The following PUS7 variants were observed in gnomAD, a reference collection of about 807,000 sequenced individuals.
PUS7 encodes pseudouridylate synthase 7 homolog.
PUS7 carries 48 observed loss-of-function variants against 79.8 expected under a neutral mutation model. The ratio of observed to expected loss-of-function variants is 0.60; its 90% CI spans 0.48 to 0.76. The LOEUF is 0.76. PUS7 is among the 30% of genes least tolerant of loss of function. PUS7 has a pLI of 0.00. For synonymous variants in PUS7, 286 were observed against 272.2 expected, an observed-to-expected ratio of 1.05 and a Z score of -0.50; for missense variants, 729 against 797.6, an observed-to-expected ratio of 0.91 and a Z score of 1.04.
At chr7:105,508,656 G>C (rs1825571741) in intron 1 of PUS7, 112 bp from the exon 2 acceptor site, 1 of 1,375,304 alleles carries the variant, frequency 7.3e-7, no homozygotes, top group Non-Finnish European at 9.6e-7. Context: ...AAGGCAGGCA[G>C]ATCACTTGAG....
At chr7:105,458,427 A>G (rs1563347959) in intron 15 of PUS7, among the ~76,000 whole-genome samples, 2 of 143,472 alleles carry the variant, frequency 1.4e-5, no homozygotes, top group Non-Finnish European at 3.1e-5. Context: ...CGCCCGCCTA[A>G]TTTTTTTTTT....
chr7:105,471,959 AATATAC>A (rs1041038414), intron 10 of PUS7, among the ~76,000 whole-genome samples, 167 bp downstream of exon 10: 1 of 151,894 alleles, frequency 6.6e-6, no homozygotes, highest in Admixed American at 6.6e-5. Context: ...ATAAATCTTA[AATATAC>A]ATATACAACT....
rs992848094 is a variant in PUS7 at position 105,456,926 on chromosome 7, A to T, written c.*864T>A. On this transcript the variant is annotated 3_prime_UTR_variant, in exon 16 of 16. Coordinates refer to ENST00000469408, the MANE Select transcript of PUS7 (RefSeq NM_019042.5). Reference sequence around the variant, plus strand: ...CAGCACAGCTCATGCCTGTAATCCCAGGAGTTAGCCTCGGCAACATGGCCA... The same window carrying T: ...CAGCACAGCTCATGCCTGTAATCCCTGGAGTTAGCCTCGGCAACATGGCCA... 1 of 152,156 alleles carries T rather than the reference A, an allele frequency of 6.6e-6. No individual in the cohort carries two copies. The highest frequency in any genetic ancestry group is 2.4e-5 in the African/African-American group (1 of 41,434). The allele number at this position is 152,156 out of a possible 1,614,324, so 9.4% of individuals were successfully genotyped here.
chr7:105,521,471 C>A (rs1460445247), intron 1 of PUS7, among the ~76,000 whole-genome samples: 3 of 152,204 alleles, frequency 2.0e-5, no homozygotes, highest in African/African-American at 7.2e-5. Context: ...AGAAAGCACT[C>A]TGAGTCTGCA....
intron 9 of PUS7, among the ~76,000 whole-genome samples, chr7:105,473,339 T>A (rs818475): frequency 1.3e-5 from 2 of 151,818 alleles, no homozygotes; most frequent in South Asian, 4.1e-4. Context: ...AACCTCTGCC[T>A]CTTGGGCTTA....
chr7:105,518,987 C>T (rs1461644254), intron 1 of PUS7, among the ~76,000 whole-genome samples: 5 of 152,060 alleles, frequency 3.3e-5, no homozygotes, highest in Admixed American at 3.3e-4. Context: ...CCAAGATTGT[C>T]TCGAACTCCT....
At chr7:105,518,527 G>C (rs751443675) in intron 1 of PUS7, among the ~76,000 whole-genome samples, 1 of 151,390 alleles carries the variant, frequency 6.6e-6, no homozygotes, top group Non-Finnish European at 1.5e-5. Flanking sequence ...TCAGCCACCC[G>C]AGTAACTGGG....
chr7:105,506,102 C>G (rs1393703715), intron 3 of PUS7, 46 bp from the exon 4 acceptor site: 2 of 1,577,176 alleles, frequency 1.3e-6, no homozygotes, highest in Admixed American at 1.8e-5. Context: ...ACATAGAATT[C>G]AAGTTTAATA....
At chr7:105,516,787 G>C (rs1350739969) in intron 1 of PUS7, among the ~76,000 whole-genome samples, 2 of 152,060 alleles carry the variant, frequency 1.3e-5, no homozygotes, top group Non-Finnish European at 2.9e-5. Context: ...GGGTTGGGGA[G>C]AGGAGAGAGA....
chr7:105,497,011 G>A (rs1314600524), intron 5 of PUS7: 1 of 1,178,832 alleles, frequency 8.5e-7, no homozygotes, highest in Non-Finnish European at 1.1e-6. Context: ...AAAGAGCAAT[G>A]TTTAATTTAT....
intron 7 of PUS7, among the ~76,000 whole-genome samples, chr7:105,487,674 T>C (rs1824605649): frequency 6.6e-6 from 1 of 152,174 alleles, no homozygotes; most frequent in South Asian, 2.1e-4. Context: ...CTAGGGAATA[T>C]AAAAATCTTG....
At chr7:105,458,821 A>G (rs1202045794) in intron 15 of PUS7, among the ~76,000 whole-genome samples, 1 of 151,992 alleles carries the variant, frequency 6.6e-6, no homozygotes, top group Non-Finnish European at 1.5e-5. Flanking sequence ...TCGGCCTCCC[A>G]AAGTGCTGGG....
intron 7 of PUS7, among the ~76,000 whole-genome samples, chr7:105,487,348 C>G (rs1824592200): frequency 6.6e-6 from 1 of 152,222 alleles, no homozygotes; most frequent in Non-Finnish European, 1.5e-5. Context: ...CATACAATAT[C>G]TGGCCTTGTG....
In PUS7 at chr7:105,470,603, A is replaced by C. The variant is rs1210829512; in HGVS notation, c.1398+85T>G. 4 of 1,413,056 alleles carry C rather than the reference A, an allele frequency of 2.8e-6. No individual in the cohort carries two copies. In the Admixed American group the frequency reaches 7.1e-5, roughly 25 times the overall value. The allele number at this position is 1,413,056 out of a possible 1,614,324, so 87.5% of individuals were successfully genotyped here. A position where few individuals can be genotyped will look rare whatever the true frequency, so the allele number is the denominator to read the frequency against. The stretch of plus-strand genomic sequence containing the variant: ...ATCCTTATTTACCTTCTGCTCTTTC[A>C]AAGTTTAGTAAAATCTTTCAAGATG... On this transcript the variant is annotated intron_variant, in intron 11 of 15. Transcript: ENST00000469408.
intron 1 of PUS7, among the ~76,000 whole-genome samples, chr7:105,508,928 C>T (rs1187062694): frequency 7.0e-6 from 1 of 142,912 alleles, no homozygotes; most frequent in Non-Finnish European, 1.5e-5. Flanking sequence ...CACCTGTAAT[C>T]CCAGCACTTT....
chr7:105,470,868 G>C lies in PUS7; in HGVS notation c.1238-20C>G. ...TTTCAGCTGCGGGGGGAAAAAGCTA[G>C]GGTTAAATGACTTACCCAATAGACA... On this transcript the variant is annotated intron_variant, in intron 10 of 15. Coordinates refer to ENST00000469408, the MANE Select transcript of PUS7 (RefSeq NM_019042.5). 6.4e-7 allele frequency: 1 copy of C among 1,557,240 alleles called. No homozygotes were observed. Among genetic ancestry groups the C allele is most frequent in the South Asian group, 1.2e-5 (1 of 85,040 alleles).
intron 7 of PUS7, among the ~76,000 whole-genome samples, chr7:105,488,660 T>G (rs1388910968): frequency 6.6e-6 from 1 of 152,186 alleles, no homozygotes; most frequent in Non-Finnish European, 1.5e-5. Context: ...ATCCATACAT[T>G]CAAACATATT....
chr7:105,491,417 T>C (rs1824774897), intron 7 of PUS7, 123 bp downstream of exon 7: 4 of 476,078 alleles, frequency 8.4e-6, no homozygotes, highest in East Asian at 3.4e-5. Flanking sequence ...TGAAAAGTAA[T>C]TTTTAAATAG....
At chr7:105,469,050 C>A (rs1823772264) in intron 11 of PUS7, among the ~76,000 whole-genome samples, 1 of 151,718 alleles carries the variant, frequency 6.6e-6, no homozygotes, top group Non-Finnish European at 1.5e-5. Flanking sequence ...TACAGGCGTG[C>A]ACCACCATGC....
Sources: allele counts gnomAD v4.1 joint callset (sites outside exome capture counted in the v4.1 genomes callset), GRCh38; gene constraint gnomAD v4.1.1; transcripts MANE v1.5; gene names NCBI Gene and HGNC (gene_info 2026-07-23, HGNC 2026-07-21).